The following COL6A2 variants were observed in gnomAD, a reference collection of about 807,000 sequenced individuals.
COL6A2 encodes collagen alpha-2(VI) chain.
COL6A2 carries 90 observed loss-of-function variants against 124.9 expected under a neutral mutation model. The observed-to-expected ratio is 0.72, with a 90% CI of 0.61 to 0.86. COL6A2 has a LOEUF of 0.86. COL6A2 is among the 40% of genes least tolerant of loss of function. COL6A2 has a pLI of 0.00. For missense variants in COL6A2, 1,607 were observed against 1,502.5 expected, an observed-to-expected ratio of 1.07 and a Z score of -1.15; for synonymous variants, 793 against 618.2, an observed-to-expected ratio of 1.28 and a Z score of -4.19.
intron 23 of COL6A2, 85 bp downstream of exon 23, chr21:46,125,005 G>A: frequency 1.3e-6 from 2 of 1,524,152 alleles, no homozygotes. Context: ...AAGGTCAGCT[G>A]GCACGGTCAG....
chr21:46,114,048 G>T lies in COL6A2; in HGVS notation c.776G>T (p.Gly259Val), dbSNP rs200200885. The T allele has an allele frequency of 2.5e-6, 4 of 1,613,744 alleles. No homozygotes were observed. The highest frequency in any genetic ancestry group is 8.5e-7 in the Non-Finnish European group (1 of 1,179,934). Residue 259 changes from glycine to valine, a missense_variant, in exon 5 of 28, where the codon GGC becomes GTC. Gly to Val is a moderately radical substitution (Grantham distance 109, BLOSUM62 -3). Around this residue, in one of 3 missense-constraint regions of COL6A2, gnomAD observed 342 missense variants for 381.5 expected, o/e 0.90. Coordinates refer to ENST00000300527, the MANE Select transcript of COL6A2 (RefSeq NM_001849.4). ...TGCCTGGAAATCCCTGGGCCCTCTGGCCCCAAGGGCTACCGTGGACAGAAG... is the reference window on the plus strand; with the variant it reads ...TGCCTGGAAATCCCTGGGCCCTCTGTCCCCAAGGGCTACCGTGGACAGAAG... ...VSCLEIPGPS[G>V]PKGYRGQKGA...
intron 18 of COL6A2, 69 bp downstream of exon 18, chr21:46,121,687 G>T: frequency 2.0e-6 from 3 of 1,504,948 alleles, no homozygotes; most frequent in South Asian, 1.1e-5. Flanking sequence ...AGGACAGGGG[G>T]CCGGCCTGGG....
intron 27 of COL6A2, chr21:46,129,349 C>T: frequency 6.2e-7 from 1 of 1,612,962 alleles, no homozygotes; most frequent in South Asian, 1.1e-5. Context: ...CAGCTGGTGG[C>T]CGTGCTGGTC....
chr21:46,130,936 G>A (rs900653367), intron 27 of COL6A2, among the ~76,000 whole-genome samples: 6 of 152,214 alleles, frequency 3.9e-5, no homozygotes, highest in East Asian at 1.9e-4. Flanking sequence ...TGAAGGCTGC[G>A]GTGCAGCGTG....
intron 21 of COL6A2, among the ~76,000 whole-genome samples, chr21:46,123,615 G>T (rs915035594): frequency 6.6e-6 from 1 of 150,926 alleles, no homozygotes; most frequent in Non-Finnish European, 1.5e-5. Flanking sequence ...ATGAATGGAT[G>T]GATTGCTGGA....
At chr21:46,130,054 C>T (rs1056084475) in intron 27 of COL6A2, among the ~76,000 whole-genome samples, 5 of 152,152 alleles carry the variant, frequency 3.3e-5, no homozygotes, top group Admixed American at 6.5e-5. Flanking sequence ...CATGGTGACT[C>T]GTGGGCGCTC....
chr21:46,128,912 G>C (rs2078716406), intron 27 of COL6A2: 1 of 1,612,994 alleles, frequency 6.2e-7, no homozygotes, highest in East Asian at 2.2e-5. Context: ...GGTTTGGACG[G>C]AGCTGTTTTG....
At position 46,116,479 on chromosome 21, in the gene COL6A2, C is replaced by A. The variant is rs1377962460; in HGVS notation, c.927+76C>A. 2.5e-6 allele frequency: 4 copies of A among 1,592,610 alleles called. No homozygotes were observed. Among genetic ancestry groups the A allele is most frequent in the Admixed American group, 3.3e-5 (2 of 59,726 alleles). Reference sequence around the variant, plus strand: ...ACCCACCTCTTGGCGTCCGCCGCAGCCTGTCACTGCTCCTGGGGCACCGGC... The same window carrying A: ...ACCCACCTCTTGGCGTCCGCCGCAGACTGTCACTGCTCCTGGGGCACCGGC... On this transcript the variant is annotated intron_variant, in intron 8 of 27. Transcript: ENST00000300527. This position sits in a 1 kb window ranked among gnomAD's most constrained non-coding sequence, Gnocchi z 4.6.
At chr21:46,127,869 GAGTT>G (rs567019084) in intron 27 of COL6A2, among the ~76,000 whole-genome samples, 25 of 152,292 alleles carry the variant, frequency 1.6e-4, no homozygotes, top group Admixed American at 1.0e-3. Context: ...TTGTAGTTGG[GAGTT>G]AGTTAGCCCG....
chr21:46,116,009 G>T lies in COL6A2; in HGVS notation c.856G>T (p.Gly286Ter), dbSNP rs2123626018. The change falls in exon 7 of 28, where the codon GGA (glycine) becomes TGA (stop). Residue 286 changes from glycine (G) to a stop codon, truncating the protein, a stop_gained and splice_region_variant. Transcript: ENST00000300527. LOFTEE classifies it high-confidence loss of function. This position sits in a 1 kb window ranked among gnomAD's most constrained non-coding sequence, Gnocchi z 4.6. ...CACACTGCTGCGTTGTCCTTCACAG[G>T]GAGACCCGGGCATCGAAGGCCCCAT... ...PGEPGQKGRQ[G>*]DPGIEGPIGF... 6.2e-7 allele frequency: 1 copy of T among 1,610,172 alleles called. No homozygotes were observed. The highest frequency in any genetic ancestry group is 2.2e-5 in the East Asian group (1 of 44,710).
At chr21:46,126,351 T>G in intron 26 of COL6A2, 114 bp downstream of exon 26, 3 of 1,508,994 alleles carry the variant, frequency 2.0e-6, no homozygotes, top group Non-Finnish European at 2.8e-6. Flanking sequence ...CCCAGGATCT[T>G]GGGCTGTGGG....
chr21:46,121,236 G>GGTTGGTAGGGACAGGACCCGCC (rs2078561370), intron 17 of COL6A2, 113 bp downstream of exon 17: 1 of 1,075,844 alleles, frequency 9.3e-7, no homozygotes, highest in South Asian at 1.3e-5. Context: ...CCAGGCAGCA[G>GGTTGGTAGGGACAGGACCCGCC]AGCCTGGCCT....
In COL6A2 at chr21:46,132,654, C is replaced by T. The variant is rs576789643; in HGVS notation, c.*102C>T. Reference sequence around the variant, plus strand: ...CGGCCAGCACCGCTGCTCACTCGGACGACGCCCTGGGCCTGCACCTCTCCA... The same window carrying T: ...CGGCCAGCACCGCTGCTCACTCGGATGACGCCCTGGGCCTGCACCTCTCCA... On this transcript the variant is annotated 3_prime_UTR_variant, in exon 28 of 28. Coordinates refer to ENST00000300527, the MANE Select transcript of COL6A2 (RefSeq NM_001849.4). 1.7e-4 allele frequency: 212 copies of T among 1,218,294 alleles called. No individual in the cohort carries two copies. In the African/African-American group the frequency reaches 2.1e-3, roughly 12 times the overall value. 75.5% of individuals were successfully genotyped at this position (1,218,294 alleles called of 1,614,324 possible).
At chr21:46,128,952 G>GT in intron 27 of COL6A2, 1 of 1,611,016 alleles carries the variant, frequency 6.2e-7, no homozygotes, top group African/African-American at 1.3e-5. Context: ...GGTCCGTGGT[G>GT]TCCCCCAAAG....
At chr21:46,103,487 A>G (rs989781548) in intron 1 of COL6A2, among the ~76,000 whole-genome samples, 3 of 151,646 alleles carry the variant, frequency 2.0e-5, no homozygotes, top group African/African-American at 7.3e-5. Flanking sequence ...AGTTCCTTAC[A>G]TTGTAAGGTT....
At position 46,125,581 on chromosome 21, in the gene COL6A2, C is replaced by T. The variant is rs765144712; in HGVS notation, c.1933C>T (p.Leu645=). ...CTTCGTCATCAACGTGGTCAACAGG[C>T]TGGGTGCCATCGCTAAGGACCCCAA... ...KNFVINVVNR[L]GAIAKDPKSE... Residue 645 remains leucine (L), a synonymous_variant, in exon 25 of 28, where the codon CTG becomes TTG. Transcript: ENST00000300527. The T allele has an allele frequency of 2.9e-5, 46 of 1,611,306 alleles. No individual in the cohort carries two copies. The East Asian group carries it at 1.0e-3, about 35-fold the overall frequency.
rs1268680727 is a variant in COL6A2, at chr21:46,112,217, C to T, written c.354C>T (p.Phe118=). The T allele has an allele frequency of 1.9e-6, 3 of 1,612,946 alleles. No individual in the cohort carries two copies. The highest frequency in any genetic ancestry group is 2.5e-6 in the Non-Finnish European group (3 of 1,180,030). ...CACCGGGCAGCGACCGGGCCTCCTT[C>T]ATCAAGAACCTGCAGGGCATCAGCT... ...FSPPGSDRAS[F]IKNLQGISSF... The change falls in exon 3 of 28, where the codon TTC becomes TTT. Residue 118 remains phenylalanine (F), a synonymous_variant. Coordinates refer to ENST00000300527, the MANE Select transcript of COL6A2 (RefSeq NM_001849.4).
At chr21:46,099,372 C>T (rs1042587912) in intron 1 of COL6A2, among the ~76,000 whole-genome samples, 3 of 141,826 alleles carry the variant, frequency 2.1e-5, no homozygotes, top group Non-Finnish European at 3.0e-5. Context: ...AGGAGAAAAT[C>T]ACTTGAACCT....
Position 46,126,048 on chromosome 21 carries a change from C to G in COL6A2, c.2233C>G (p.Arg745Gly), listed in dbSNP as rs140643748. The G allele has an allele frequency of 6.2e-7, 1 of 1,613,036 alleles. No individual in the cohort carries two copies. The highest frequency in any genetic ancestry group is 8.5e-7 in the Non-Finnish European group (1 of 1,179,990). Residue 745 changes from arginine to glycine, a missense_variant, in exon 26 of 28, where the codon CGG (arginine) becomes GGG (glycine). This residue lies in a region of COL6A2 where 1,223 missense variants were observed against 1,052.2 expected (regional missense o/e 1.16). Coordinates refer to ENST00000300527, the MANE Select transcript of COL6A2 (RefSeq NM_001849.4). ...HDPRDDDLNL[R>G]ALCDRDVTVT... ...CCCTCGGGACGATGACCTCAACTTG[C>G]GGGCGCTGTGCGACCGCGACGTCAC...
Sources: allele counts gnomAD v4.1 joint callset (sites outside exome capture counted in the v4.1 genomes callset), GRCh38; gene constraint gnomAD v4.1.1; regional missense constraint gnomAD v4.1.1; non-coding constraint Gnocchi (gnomAD v3.1); transcripts MANE v1.5; gene names NCBI Gene and HGNC (gene_info 2026-07-23, HGNC 2026-07-21).